Variants in ST7 observed in about 807,000 individuals in gnomAD.
ST7 encodes the protein suppression of tumorigenicity 7.
ST7 carries 28 observed loss-of-function variants against 78.7 expected under a neutral mutation model. The ratio of observed to expected loss-of-function variants is 0.36; its 90% confidence interval spans 0.26 to 0.49. ST7 has a LOEUF of 0.49. Among genes scored for constraint, ST7 ranks in the 20% least tolerant of loss-of-function variants. The probability of loss-of-function intolerance (pLI) is 0.99; values close to 1 mark genes in which losing one functional copy is unlikely to be tolerated. For synonymous variants in ST7, 247 were observed against 249.6 expected (o/e 0.99, Z 0.10); for missense variants, 418 against 696.0 (o/e 0.60, Z 4.49).
At chr7:117,170,383 A>G (rs1337829172) in intron 9 of ST7, among the ~76,000 whole-genome samples, 1 of 152,234 alleles carries the variant, frequency 6.6e-6, no homozygotes, top group African/African-American at 2.4e-5. Flanking sequence ...ATACTTTTAT[A>G]TAAATACAAT....
intron 7 of ST7, among the ~76,000 whole-genome samples, chr7:117,135,196 C>G (rs2117045965): frequency 6.6e-6 from 1 of 152,064 alleles, no homozygotes; most frequent in Admixed American, 6.6e-5. Context: ...GTGGGTTGTT[C>G]CTCATATGCT....
In ST7 at chr7:117,002,489, C is replaced by T. The variant is rs1236322188; in HGVS notation, c.151+48798C>T. ...ATTTTAGGATTTCAAGGTTCTAATACAATATTATTATTTTTACACAGCATT... is the reference window on the plus strand; with the variant it reads ...ATTTTAGGATTTCAAGGTTCTAATATAATATTATTATTTTTACACAGCATT... On this transcript the variant is annotated intron_variant, in intron 1 of 15. Transcript: ENST00000323984. 6.6e-5 allele frequency among the ~76,000 whole-genome samples: 10 copies of T among 152,098 alleles called. No homozygotes were observed. In the East Asian group the frequency reaches 1.6e-3, roughly 24 times the overall value.
At chr7:117,223,040 C>T (rs561754652) in intron 15 of ST7, 25 of 1,192,178 alleles carry the variant, frequency 2.1e-5, no homozygotes, top group East Asian at 1.2e-4. Context: ...TCCTGACCTC[C>T]GCCATCCACC....
chr7:116,956,959 C>T, intron 1 of ST7: 1 of 212,668 alleles, frequency 4.7e-6, no homozygotes, highest in Non-Finnish European at 9.5e-6. Flanking sequence ...AGGTGGACCT[C>T]CCAAACAAAG....
chr7:117,043,732 G>T (rs1470673783), intron 1 of ST7, among the ~76,000 whole-genome samples: 1 of 152,100 alleles, frequency 6.6e-6, no homozygotes, highest in African/African-American at 2.4e-5. Context: ...TTTCATAAAC[G>T]TTACTTCAGT....
At chr7:117,168,223 A>G (rs1198923173) in intron 9 of ST7, among the ~76,000 whole-genome samples, 2 of 152,202 alleles carry the variant, frequency 1.3e-5, no homozygotes, top group East Asian at 1.9e-4. Context: ...TTAAGCTCCT[A>G]GCATCTTACC....
At chr7:117,174,241 G>A (rs1808202928) in intron 10 of ST7, among the ~76,000 whole-genome samples, 1 of 152,100 alleles carries the variant, frequency 6.6e-6, no homozygotes, top group Non-Finnish European at 1.5e-5. Flanking sequence ...AACATTATAG[G>A]TGGGCAGTTT....
At chr7:117,033,573 G>A (rs982138848) in intron 1 of ST7, among the ~76,000 whole-genome samples, 1 of 151,910 alleles carries the variant, frequency 6.6e-6, no homozygotes, top group East Asian at 1.9e-4. Context: ...ACAGGTGCCC[G>A]CCACCATGCC....
intron 1 of ST7, among the ~76,000 whole-genome samples, chr7:117,086,855 CA>C (rs1174506293): frequency 1.3e-5 from 2 of 152,138 alleles, no homozygotes; most frequent in Non-Finnish European, 2.9e-5. Context: ...GGTACAAATG[CA>C]AAGCCAAACG....
intron 2 of ST7, among the ~76,000 whole-genome samples, chr7:117,102,039 A>G (rs2116818540): frequency 6.6e-6 from 1 of 152,338 alleles, no homozygotes. Flanking sequence ...GATATGAGAA[A>G]AATAAAGACC....
At chr7:117,005,839 A>G (rs1013865368) in intron 1 of ST7, among the ~76,000 whole-genome samples, 1 of 152,216 alleles carries the variant, frequency 6.6e-6, no homozygotes, top group Non-Finnish European at 1.5e-5. Flanking sequence ...TTAATTAGGT[A>G]TTTTAACATT....
In ST7 at chr7:117,099,734, C is replaced by T. The variant is rs1447646224; in HGVS notation, c.152-28C>T. The T allele has an allele frequency of 2.6e-6, 4 of 1,567,422 alleles. No homozygotes were observed. The Admixed American group carries it at 5.2e-5, about 20-fold the overall frequency. On this transcript the variant is annotated intron_variant, in intron 1 of 15. Transcript: ENST00000323984. ...ACATACTCATACATTCCTTGTTCTT[C>T]TCCCTTTCTCTCTCTTTTCTTTTTC...
At chr7:117,176,890 T>C (rs1341891920) in intron 10 of ST7, among the ~76,000 whole-genome samples, 1 of 152,240 alleles carries the variant, frequency 6.6e-6, no homozygotes, top group Non-Finnish European at 1.5e-5. Context: ...AGATTTGGTA[T>C]GCTGTCAGTT....
intron 1 of ST7, among the ~76,000 whole-genome samples, chr7:116,970,869 CTT>C (rs1306374587): frequency 6.6e-6 from 1 of 152,180 alleles, no homozygotes; most frequent in Non-Finnish European, 1.5e-5. Flanking sequence ...AGATTTGTCT[CTT>C]CTCTCCCACT....
chr7:117,117,428 GAC>G (rs1802975141), intron 2 of ST7, among the ~76,000 whole-genome samples: 1 of 152,174 alleles, frequency 6.6e-6, no homozygotes, highest in Non-Finnish European at 1.5e-5. Flanking sequence ...ATGAACTAAG[GAC>G]TGGCAGGTGC....
chr7:117,182,148 AT>A (rs1412605709), intron 10 of ST7, among the ~76,000 whole-genome samples: 1 of 152,114 alleles, frequency 6.6e-6, no homozygotes, highest in Non-Finnish European at 1.5e-5. Context: ...ATGTGCTCAG[AT>A]TTGTTCTAGA....
intron 1 of ST7, among the ~76,000 whole-genome samples, chr7:117,003,630 G>A (rs568527745): frequency 2.0e-5 from 3 of 151,158 alleles, no homozygotes; most frequent in African/African-American, 7.3e-5. Context: ...TGGGGGTTTC[G>A]CCATGTTGCC....
intron 1 of ST7, among the ~76,000 whole-genome samples, chr7:116,993,386 CGG>C (rs1356039950): frequency 6.6e-6 from 1 of 152,098 alleles, no homozygotes; most frequent in East Asian, 1.9e-4. Flanking sequence ...GATGCAAAAA[CGG>C]AAACCCCTGA....
chr7:116,983,164 C>G (rs1422539799), intron 1 of ST7, among the ~76,000 whole-genome samples: 1 of 152,172 alleles, frequency 6.6e-6, no homozygotes, highest in Non-Finnish European at 1.5e-5. Context: ...TCCCAAAGTG[C>G]TGGGATTACA....
Sources: gnomAD v4.1 joint callset for allele counts (sites outside exome capture counted in the v4.1 genomes callset) on GRCh38, gnomAD v4.1.1 for gene constraint, MANE v1.5 for transcripts, NCBI Gene and HGNC (gene_info 2026-07-23, HGNC 2026-07-21) for gene names.